SFSWAP: variants seen among roughly 807,000 people sequenced by gnomAD.
The protein encoded by SFSWAP is splicing factor, suppressor of white-apricot homolog.
In SFSWAP, 17 loss-of-function variants were observed where a neutral mutation model predicts 100.7. The observed-to-expected ratio is 0.17, with a 90% CI of 0.12 to 0.25. SFSWAP has a LOEUF of 0.25. Ranked by LOEUF, SFSWAP falls within the 10% of genes least tolerant of loss-of-function variation. The probability of loss-of-function intolerance (pLI) is 1.00; values close to 1 mark genes in which losing one functional copy is unlikely to be tolerated. For synonymous variants in SFSWAP, 504 were observed against 510.1 expected, an observed-to-expected ratio of 0.99 and a Z score of 0.16; for missense variants, 1,005 against 1,262.6, an observed-to-expected ratio of 0.80 and a Z score of 3.09.
chr12:131,773,186 T>C (rs1883753100), intron 13 of SFSWAP, among the ~76,000 whole-genome samples: 1 of 152,168 alleles, frequency 6.6e-6, no homozygotes, highest in Non-Finnish European at 1.5e-5. Context: ...TTTCCCTGCC[T>C]CCTGCCTGTA....
chr12:131,798,378 C>T (rs1593203301), intron 16 of SFSWAP, among the ~76,000 whole-genome samples: 1 of 152,264 alleles, frequency 6.6e-6, no homozygotes, highest in South Asian at 2.1e-4. Context: ...GTGTTGGCTC[C>T]AGCACACAGA....
At chr12:131,757,718 C>T (rs899780846) in intron 11 of SFSWAP, among the ~76,000 whole-genome samples, 1 of 152,142 alleles carries the variant, frequency 6.6e-6, no homozygotes, top group African/African-American at 2.4e-5. Flanking sequence ...TTCAGCGAAA[C>T]CAAATCCATG....
chr12:131,723,703 C>G (rs1280857615), intron 4 of SFSWAP, among the ~76,000 whole-genome samples: 2 of 152,160 alleles, frequency 1.3e-5, no homozygotes, highest in East Asian at 3.9e-4. Context: ...TTCCAAAGCT[C>G]TTAGGAAACC....
At chr12:131,772,581 G>A (rs1043218158) in intron 13 of SFSWAP, among the ~76,000 whole-genome samples, 1 of 152,218 alleles carries the variant, frequency 6.6e-6, no homozygotes, top group East Asian at 1.9e-4. Flanking sequence ...GGGAACCAGA[G>A]CAAAGGAACT....
At chr12:131,748,804 T>C (rs1282564198) in intron 7 of SFSWAP, among the ~76,000 whole-genome samples, 2 of 152,260 alleles carry the variant, frequency 1.3e-5, no homozygotes, top group African/African-American at 4.8e-5. Flanking sequence ...ATACTTGCCT[T>C]TAGGGACTGT....
chr12:131,724,706 C>T lies in SFSWAP; in HGVS notation c.607-699C>T, dbSNP rs531969107. On this transcript the variant is annotated intron_variant, in intron 4 of 17. Transcript: ENST00000261674. ...GAGCATGAGGTTCGTTGAAGTGACTCCTTAGCAGCACATGAAGGGATGGGG... is the reference window on the plus strand; with the variant it reads ...GAGCATGAGGTTCGTTGAAGTGACTTCTTAGCAGCACATGAAGGGATGGGG... 3.3e-5 allele frequency among the ~76,000 whole-genome samples: 5 copies of T among 152,322 alleles called. No individual in the cohort carries two copies. The South Asian group carries it at 8.3e-4, about 25-fold the overall frequency.
intron 7 of SFSWAP, 119 bp from the exon 8 acceptor site, chr12:131,753,004 G>A: frequency 7.0e-7 from 1 of 1,422,252 alleles, no homozygotes; most frequent in Non-Finnish European, 9.7e-7. Context: ...CAGCATGGTT[G>A]GAAGTGAGCA....
At position 131,778,381 on chromosome 12, in the gene SFSWAP, T is replaced by C. The variant is rs1884196199; in HGVS notation, c.2408+51T>C. The C allele has an allele frequency of 1.3e-6, 2 of 1,581,356 alleles. No individual in the cohort carries two copies. Among genetic ancestry groups the C allele is most frequent in the African/African-American group, 2.7e-5 (2 of 73,000 alleles). ...TGGTACCCTCATGACCCCCATGTCCTTCACAGGACACCCAGTAGAGCTAGG... is the reference window on the plus strand; with the variant it reads ...TGGTACCCTCATGACCCCCATGTCCCTCACAGGACACCCAGTAGAGCTAGG... On this transcript the variant is annotated intron_variant, in intron 14 of 17. Coordinates refer to ENST00000261674, the MANE Select transcript of SFSWAP (RefSeq NM_004592.4). The surrounding 1 kb of genome is among the most constrained non-coding windows in gnomAD (Gnocchi z 4.2).
At chr12:131,753,579 AT>A in intron 8 of SFSWAP, 1 of 604,006 alleles carries the variant, frequency 1.7e-6, no homozygotes, top group Non-Finnish European at 2.8e-6. Flanking sequence ...TAAACCACTT[AT>A]AAAGTTGAAT....
chr12:131,777,914 G>A, intron 13 of SFSWAP, 151 bp from the exon 14 acceptor site: 1 of 1,270,448 alleles, frequency 7.9e-7, no homozygotes, highest in Non-Finnish European at 1.1e-6. Flanking sequence ...AGGTGACAAG[G>A]AGGTCACTCT....
At chr12:131,792,410 GTGTGTGCT>G (rs1167475088) in intron 15 of SFSWAP, among the ~76,000 whole-genome samples, 121 of 151,308 alleles carry the variant, frequency 8.0e-4, no homozygotes, top group African/African-American at 2.8e-3. Flanking sequence ...TGGTGTGCAT[GTGTGTGCT>G]CACAGACCAG....
intron 14 of SFSWAP, among the ~76,000 whole-genome samples, chr12:131,783,037 C>T (rs1235738944): frequency 1.3e-5 from 2 of 152,160 alleles, no homozygotes; most frequent in African/African-American, 2.4e-5. Flanking sequence ...AAAAATCAGC[C>T]AGGCGTGTTG....
In SFSWAP at chr12:131,766,324, A is replaced by C. The variant is rs1883114112; in HGVS notation, c.2142+16A>C. 1.2e-6 allele frequency: 2 copies of C among 1,610,252 alleles called. No homozygotes were observed. Among genetic ancestry groups the C allele is most frequent in the South Asian group, 1.1e-5 (1 of 90,946 alleles). On this transcript the variant is annotated intron_variant, in intron 13 of 17. Transcript: ENST00000261674. ...CAGTGTCGAGGTATAGTAAAATCCC[A>C]CATTGGTATCTGCGGGGCTGTGTGA...
chr12:131,768,588 G>T (rs532076423), intron 13 of SFSWAP, among the ~76,000 whole-genome samples: 1 of 152,156 alleles, frequency 6.6e-6, no homozygotes, highest in Non-Finnish European at 1.5e-5. Flanking sequence ...CCCGAGTGCC[G>T]CAGGGTGGGC....
At chr12:131,796,012 AGGGGAGAGGGG>A (rs1885632652) in intron 15 of SFSWAP, 1 of 6,220 alleles carries the variant, frequency 1.6e-4, no homozygotes, top group Admixed American at 1.7e-3. Flanking sequence ...AGGGGAGGGG[AGGGGAGAGGGG>A]GAGGGGAGGG....
chr12:131,753,316 C>T lies in SFSWAP; in HGVS notation c.1275C>T (p.Thr425=), dbSNP rs1202768369. The T allele has an allele frequency of 6.2e-7, 1 of 1,612,160 alleles. No homozygotes were observed. The highest frequency in any genetic ancestry group is 1.3e-5 in the African/African-American group (1 of 74,890). The change falls in exon 8 of 18, where the codon ACC becomes ACT. Residue 425 remains threonine (T), a synonymous_variant. Transcript: ENST00000261674. ...PPGTTPLPPP[T]TAETSSGATS... ...GGACCACACCACTACCGCCCCCAACCACAGCAGAGACTAGCAGCGGGGCCA... is the reference window on the plus strand; with the variant it reads ...GGACCACACCACTACCGCCCCCAACTACAGCAGAGACTAGCAGCGGGGCCA...
chr12:131,765,661 A>G (rs1883055532), intron 12 of SFSWAP, among the ~76,000 whole-genome samples: 1 of 152,138 alleles, frequency 6.6e-6, no homozygotes, highest in South Asian at 2.1e-4. Flanking sequence ...AAGAAAAAAA[A>G]AAAAAGCCAT....
chr12:131,743,808 C>T (rs920203129), intron 7 of SFSWAP, among the ~76,000 whole-genome samples: 3 of 152,248 alleles, frequency 2.0e-5, no homozygotes, highest in African/African-American at 2.4e-5. Context: ...CTGCCCCTGC[C>T]ACAAACTTCT....
At chr12:131,768,410 C>A (rs1241625887) in intron 13 of SFSWAP, among the ~76,000 whole-genome samples, 1 of 152,230 alleles carries the variant, frequency 6.6e-6, no homozygotes, top group South Asian at 2.1e-4. Context: ...ACATTCTAAG[C>A]TCAGACTTTT....
Sources: gnomAD v4.1 joint callset for allele counts (sites outside exome capture counted in the v4.1 genomes callset) on GRCh38, gnomAD v4.1.1 for gene constraint, Gnocchi (gnomAD v3.1) non-coding constraint, MANE v1.5 for transcripts, NCBI Gene and HGNC (gene_info 2026-07-23, HGNC 2026-07-21) for gene names.